Variants in AUTS2 observed in about 807,000 individuals in gnomAD.
AUTS2 encodes activator of transcription and developmental regulator AUTS2, also known as autism susceptibility gene 2 protein.
In AUTS2, 17 loss-of-function variants were observed where a neutral mutation model predicts 112.4. The ratio of observed to expected loss-of-function variants is 0.15; its 90% CI spans 0.10 to 0.23. The LOEUF (loss-of-function observed/expected upper bound fraction) is 0.23. Among genes scored for constraint, AUTS2 ranks in the 10% least tolerant of loss-of-function variants. The probability of loss-of-function intolerance (pLI) is 1.00; values close to 1 mark genes in which losing one functional copy is unlikely to be tolerated. For missense variants in AUTS2, 1,510 were observed against 1,701.6 expected, an observed-to-expected ratio of 0.89 and a Z score of 1.98; for synonymous variants, 751 against 702.7, an observed-to-expected ratio of 1.07 and a Z score of -1.09.
At chr7:69,968,446 T>G (rs763289965) in intron 2 of AUTS2, among the ~76,000 whole-genome samples, 17 of 152,192 alleles carry the variant, frequency 1.1e-4, no homozygotes, top group Non-Finnish European at 2.1e-4. Context: ...TAATACATCT[T>G]CACTTACCGG....
intron 2 of AUTS2, among the ~76,000 whole-genome samples, chr7:70,086,137 T>C (rs1803585795): frequency 6.6e-6 from 1 of 152,214 alleles, no homozygotes; most frequent in Non-Finnish European, 1.5e-5. Context: ...TTGTTTTGGC[T>C]ATTCTTGGCC....
intron 4 of AUTS2, among the ~76,000 whole-genome samples, chr7:70,377,679 C>T (rs1055597843): frequency 2.6e-5 from 4 of 151,684 alleles, no homozygotes; most frequent in Non-Finnish European, 5.9e-5. Flanking sequence ...TACGGTCTGC[C>T]TCTATGAATT....
intron 4 of AUTS2, among the ~76,000 whole-genome samples, chr7:70,183,302 T>A (rs1372755746): frequency 6.6e-6 from 1 of 152,186 alleles, no homozygotes; most frequent in Non-Finnish European, 1.5e-5. Context: ...TTTAGAGAAA[T>A]GCCTAGAGAG....
intron 6 of AUTS2, among the ~76,000 whole-genome samples, chr7:70,724,220 G>A (rs960856271): frequency 2.6e-5 from 4 of 152,012 alleles, no homozygotes; most frequent in African/African-American, 9.7e-5. Flanking sequence ...TGAAGATGTG[G>A]CTGTGATTTT....
At chr7:69,642,413 C>T (rs892793688) in intron 1 of AUTS2, among the ~76,000 whole-genome samples, 11 of 152,022 alleles carry the variant, frequency 7.2e-5, no homozygotes, top group African/African-American at 2.7e-4. Context: ...GATTCTTAAC[C>T]GAAAATGGAA....
intron 2 of AUTS2, among the ~76,000 whole-genome samples, chr7:70,019,828 G>A (rs1343425089): frequency 3.9e-5 from 6 of 152,196 alleles, no homozygotes; most frequent in Middle Eastern, 3.4e-3. Flanking sequence ...AAAAATTTTC[G>A]TATGTGATTT....
At chr7:70,740,451 A>G (rs972854279) in intron 6 of AUTS2, among the ~76,000 whole-genome samples, 1 of 152,134 alleles carries the variant, frequency 6.6e-6, no homozygotes, top group African/African-American at 2.4e-5. Flanking sequence ...AGCTTTTACT[A>G]CATTGCATTA....
At chr7:70,483,498 G>A (rs1291276162) in intron 5 of AUTS2, among the ~76,000 whole-genome samples, 1 of 152,204 alleles carries the variant, frequency 6.6e-6, no homozygotes, top group African/African-American at 2.4e-5. Context: ...GATTTTCGAA[G>A]TGAAGGGGAG....
At chr7:70,656,015 C>T (rs899633009) in intron 5 of AUTS2, among the ~76,000 whole-genome samples, 2 of 152,010 alleles carry the variant, frequency 1.3e-5, no homozygotes, top group African/African-American at 2.4e-5. Flanking sequence ...TCGAGCTTGC[C>T]GAGTCTTTTG....
At chr7:69,860,742 T>C (rs1792942705) in intron 1 of AUTS2, among the ~76,000 whole-genome samples, 2 of 152,234 alleles carry the variant, frequency 1.3e-5, no homozygotes, top group Admixed American at 6.5e-5. Context: ...GCCAATGCCA[T>C]TGACTCACCA....
Position 70,458,652 on chromosome 7 carries a change from C to T in AUTS2, c.690+22871C>T, listed in dbSNP as rs540834746. ...GAAGCGGGAGGCATGTTCCACCTCC[C>T]TTCTCCCTTTGTTGATGTTTCCAGG... On this transcript the variant is annotated intron_variant, in intron 5 of 18. Transcript: ENST00000342771. Among the ~76,000 whole-genome samples, 8 of 152,272 alleles carry T rather than the reference C, an allele frequency of 5.3e-5. No homozygotes were observed. The South Asian group carries it at 1.7e-3, about 32-fold the overall frequency.
rs142888269 is a variant in AUTS2 at position 70,643,581 on chromosome 7, A to G, written c.691-54988A>G. Among the ~76,000 whole-genome samples, 113 of 152,296 alleles carry G rather than the reference A, an allele frequency of 7.4e-4. 4 individuals carry two copies. The East Asian group carries it at 0.019, about 25-fold the overall frequency. The stretch of plus-strand genomic sequence containing the variant: ...CGAGACTCCGTCTAAAAAAAATAAA[A>G]TAAAGTAAAAGTGTGACAAACCTAA... On this transcript the variant is annotated intron_variant, in intron 5 of 18. Coordinates refer to ENST00000342771, the MANE Select transcript of AUTS2 (RefSeq NM_015570.4).
At chr7:70,185,334 T>C (rs1329689469) in intron 4 of AUTS2, among the ~76,000 whole-genome samples, 1 of 148,464 alleles carries the variant, frequency 6.7e-6, no homozygotes. Flanking sequence ...CTTCAACCTC[T>C]GGCCTCAAGT....
Position 70,436,057 on chromosome 7 carries a change from C to T in AUTS2, c.690+276C>T, listed in dbSNP as rs183613411. Reference sequence around the variant, plus strand: ...GGAAGATGACTCATAGACTCAAAAACATTTTAAAAGACAAAATTATTTATT... The same window carrying T: ...GGAAGATGACTCATAGACTCAAAAATATTTTAAAAGACAAAATTATTTATT... On this transcript the variant is annotated intron_variant, in intron 5 of 18. Transcript: ENST00000342771. The T allele has an allele frequency of 2.5e-5, 9 of 355,656 alleles. No homozygotes were observed. In the Admixed American group the frequency reaches 3.7e-4, roughly 14 times the overall value. 22.0% of individuals were successfully genotyped at this position (355,656 alleles called of 1,614,324 possible). A position where few individuals can be genotyped will look rare whatever the true frequency, so the allele number is the denominator to read the frequency against.
chr7:70,570,715 G>T (rs11761166), intron 5 of AUTS2, among the ~76,000 whole-genome samples: 204 of 152,162 alleles, frequency 1.3e-3, no homozygotes, highest in Non-Finnish European at 2.2e-3. Flanking sequence ...ACTCTCTATG[G>T]TCTCTATTTT....
At chr7:70,106,562 A>G (rs995372269) in intron 2 of AUTS2, among the ~76,000 whole-genome samples, 5 of 152,294 alleles carry the variant, frequency 3.3e-5, no homozygotes, top group South Asian at 4.2e-4. Context: ...TCTCAAAAAA[A>G]TGTAGAAATT....
intron 1 of AUTS2, among the ~76,000 whole-genome samples, chr7:69,781,773 C>G (rs1283993133): frequency 6.6e-6 from 1 of 152,156 alleles, no homozygotes; most frequent in Non-Finnish European, 1.5e-5. Flanking sequence ...AGGCCACACA[C>G]CAAGTCTGGA....
intron 1 of AUTS2, among the ~76,000 whole-genome samples, chr7:69,715,677 G>T (rs1480081297): frequency 2.0e-5 from 3 of 152,106 alleles, no homozygotes; most frequent in Non-Finnish European, 4.4e-5. Flanking sequence ...TGAGAGCAAG[G>T]GATGGTCATA....
intron 4 of AUTS2, among the ~76,000 whole-genome samples, chr7:70,333,032 C>A (rs1183887826): frequency 6.6e-6 from 1 of 152,172 alleles, no homozygotes; most frequent in Admixed American, 6.5e-5. Flanking sequence ...AGGCAACCTA[C>A]AGAATGGGAG....
Sources: allele counts gnomAD v4.1 joint callset (sites outside exome capture counted in the v4.1 genomes callset), GRCh38; gene constraint gnomAD v4.1.1; transcripts MANE v1.5; gene names NCBI Gene and HGNC (gene_info 2026-07-23, HGNC 2026-07-21).